LRP1B: variants seen among roughly 807,000 people sequenced by gnomAD.
LRP1B encodes the protein low-density lipoprotein receptor-related protein 1B.
A neutral mutation model predicts 556.6 loss-of-function variants in LRP1B; 217 were observed. The observed-to-expected ratio is 0.39, with a 90% confidence interval of 0.35 to 0.44. The LOEUF (loss-of-function observed/expected upper bound fraction) is 0.44, where lower values mean the gene tolerates loss of function less well. Among genes scored for constraint, LRP1B ranks in the 20% least tolerant of loss-of-function variants. The pLI is 1.00. For missense variants in LRP1B, 5,053 were observed against 5,620.8 expected, an observed-to-expected ratio of 0.90 and a Z score of 3.23; for synonymous variants, 2,047 against 1,865.8, an observed-to-expected ratio of 1.10 and a Z score of -2.50.
intron 35 of LRP1B, among the ~76,000 whole-genome samples, chr2:140,753,929 C>T (rs1370011578): frequency 6.6e-6 from 1 of 152,078 alleles, no homozygotes; most frequent in African/African-American, 2.4e-5. Flanking sequence ...GGAAGACCTC[C>T]CAATCCAGAG....
intron 7 of LRP1B, among the ~76,000 whole-genome samples, chr2:141,166,939 T>C (rs1680292379): frequency 1.3e-5 from 2 of 151,990 alleles, no homozygotes; most frequent in South Asian, 4.1e-4. Flanking sequence ...GCAAATTCAA[T>C]TATAACATAA....
intron 32 of LRP1B, among the ~76,000 whole-genome samples, chr2:140,788,481 T>C (rs758324538): frequency 1.3e-5 from 2 of 152,240 alleles, no homozygotes; most frequent in Admixed American, 6.5e-5. Context: ...ATATTACCTA[T>C]AGTAATCACT....
At chr2:140,437,230 T>C (rs1453307395) in intron 66 of LRP1B, among the ~76,000 whole-genome samples, 1 of 152,148 alleles carries the variant, frequency 6.6e-6, no homozygotes, top group East Asian at 1.9e-4. Flanking sequence ...TTCCAGAGAC[T>C]GTGTGGATAG....
chr2:140,735,298 G>A (rs954138547), intron 35 of LRP1B, among the ~76,000 whole-genome samples: 1 of 152,194 alleles, frequency 6.6e-6, no homozygotes, highest in Non-Finnish European at 1.5e-5. Context: ...AAAGACAGCA[G>A]AGTGGGATGA....
intron 1 of LRP1B, among the ~76,000 whole-genome samples, chr2:141,918,444 G>C (rs1244977619): frequency 6.6e-6 from 1 of 151,990 alleles, no homozygotes; most frequent in Non-Finnish European, 1.5e-5. Flanking sequence ...ATTTGGTATC[G>C]AGTGATTTTT....
At chr2:140,596,418 G>A (rs561209352) in intron 43 of LRP1B, among the ~76,000 whole-genome samples, 1 of 152,136 alleles carries the variant, frequency 6.6e-6, no homozygotes, top group Admixed American at 6.6e-5. Context: ...TTTTACTGAT[G>A]TTCTTAAAAT....
intron 59 of LRP1B, among the ~76,000 whole-genome samples, chr2:140,482,509 A>G (rs1688286489): frequency 6.6e-6 from 1 of 152,152 alleles, no homozygotes; most frequent in African/African-American, 2.4e-5. Context: ...CCCTAAATTA[A>G]TAATAAATTA....
chr2:141,290,868 A>T (rs1355363393), intron 3 of LRP1B, among the ~76,000 whole-genome samples: 2 of 152,174 alleles, frequency 1.3e-5, no homozygotes, highest in Non-Finnish European at 2.9e-5. Context: ...TGTCCTCAAG[A>T]TGAGCCTACC....
intron 2 of LRP1B, among the ~76,000 whole-genome samples, chr2:141,654,679 T>C (rs1689936624): frequency 6.6e-6 from 1 of 152,156 alleles, no homozygotes; most frequent in Non-Finnish European, 1.5e-5. Context: ...AAGATGCTGT[T>C]ACTTCAGCCC....
At chr2:140,596,274 A>C (rs1416691391) in intron 43 of LRP1B, among the ~76,000 whole-genome samples, 1 of 152,212 alleles carries the variant, frequency 6.6e-6, no homozygotes, top group Non-Finnish European at 1.5e-5. Flanking sequence ...GCTTGTCTTG[A>C]CATAATGGCG....
chr2:142,122,350 G>A (rs1707486407), intron 1 of LRP1B, among the ~76,000 whole-genome samples: 1 of 152,126 alleles, frequency 6.6e-6, no homozygotes, highest in Admixed American at 6.6e-5. Flanking sequence ...AGGAACTGTA[G>A]AATTGAGTGT....
In LRP1B at chr2:141,585,626, T is replaced by C. The variant is rs536450350; in HGVS notation, c.206-105093A>G. On this transcript the variant is annotated intron_variant, in intron 2 of 90. Transcript: ENST00000389484. ...GTGTGTGCCTATTTCATGTCCCTGA[T>C]TGGCAACTGAGAAGTAACACTGTTA... Among the ~76,000 whole-genome samples, 5 of 152,246 alleles carry C rather than the reference T, an allele frequency of 3.3e-5. No homozygotes were observed. In the East Asian group the frequency reaches 5.8e-4, roughly 18 times the overall value.
chr2:141,509,681 T>C (rs756419278), intron 2 of LRP1B, among the ~76,000 whole-genome samples: 9 of 151,984 alleles, frequency 5.9e-5, no homozygotes, highest in Non-Finnish European at 1.2e-4. Context: ...CAAGAGCAAA[T>C]ACACTGAGAA....
chr2:141,190,388 C>G (rs1035166576), intron 6 of LRP1B, among the ~76,000 whole-genome samples: 1 of 151,936 alleles, frequency 6.6e-6, no homozygotes, highest in African/African-American at 2.4e-5. Flanking sequence ...CTACGCTATT[C>G]TCAATGCTGC....
intron 3 of LRP1B, among the ~76,000 whole-genome samples, chr2:141,354,068 G>C (rs1237646935): frequency 6.6e-6 from 1 of 151,970 alleles, no homozygotes; most frequent in Non-Finnish European, 1.5e-5. Context: ...TAAAAGTGGA[G>C]TATGGGAGAA....
chr2:140,904,854 A>G lies in LRP1B; in HGVS notation c.3521-1689T>C, dbSNP rs1573863631. ...ATTGTGCCCAGGAGGTAAAGAAAAA[A>G]AAATTGTTACAATGCTTTTAGCTTA... is the stretch of plus-strand genomic sequence containing the variant. On this transcript the variant is annotated intron_variant, in intron 22 of 90. Coordinates refer to ENST00000389484, the MANE Select transcript of LRP1B (RefSeq NM_018557.3). Among the ~76,000 whole-genome samples the G allele has an allele frequency of 2.0e-5, 3 of 152,126 alleles. 1 individual carries two copies. The South Asian group carries it at 6.2e-4, about 31-fold the overall frequency.
chr2:141,593,214 C>T (rs1687401224), intron 2 of LRP1B, among the ~76,000 whole-genome samples: 1 of 152,038 alleles, frequency 6.6e-6, no homozygotes, highest in Non-Finnish European at 1.5e-5. Flanking sequence ...TTTACAAAAA[C>T]AAACAAAGCA....
chr2:141,097,331 C>T (rs1700347716), intron 7 of LRP1B, among the ~76,000 whole-genome samples: 1 of 152,096 alleles, frequency 6.6e-6, no homozygotes, highest in Admixed American at 6.6e-5. Context: ...AATGCTGAAA[C>T]TTTTGAAGTT....
intron 83 of LRP1B, among the ~76,000 whole-genome samples, chr2:140,308,969 C>T (rs1455917072): frequency 1.3e-5 from 2 of 151,762 alleles, no homozygotes; most frequent in African/African-American, 4.8e-5. Context: ...TATCTCCTGA[C>T]CTCTTGTCCC....
Sources: gnomAD v4.1 joint callset for allele counts (sites outside exome capture counted in the v4.1 genomes callset) on GRCh38, gnomAD v4.1.1 for gene constraint, MANE v1.5 for transcripts, NCBI Gene and HGNC (gene_info 2026-07-23, HGNC 2026-07-21) for gene names.